Variants in MACROD2 observed in about 807,000 individuals in gnomAD.
The protein encoded by MACROD2 is mono-ADP ribosylhydrolase 2.
Under a neutral mutation model 70.4 loss-of-function variants are expected in MACROD2, and 36 were observed. The observed-to-expected ratio is 0.51, with a 90% CI of 0.39 to 0.68. MACROD2 has a LOEUF of 0.68. Ranked by LOEUF, MACROD2 falls within the 30% of genes least tolerant of loss-of-function variation. MACROD2 has a pLI of 0.00. For missense variants in MACROD2, 496 were observed against 538.4 expected (o/e 0.92, Z 0.78); for synonymous variants, 172 against 178.8 (o/e 0.96, Z 0.30).
chr20:15,800,308 T>A (rs866244626), intron 8 of MACROD2, among the ~76,000 whole-genome samples: 3 of 131,432 alleles, frequency 2.3e-5, no homozygotes, highest in Non-Finnish European at 4.5e-5. Flanking sequence ...ATTTGCCTAT[T>A]TTTTTGTTTT....
chr20:14,316,585 T>C (rs1350335290), intron 3 of MACROD2, among the ~76,000 whole-genome samples: 2 of 152,164 alleles, frequency 1.3e-5, no homozygotes, highest in African/African-American at 4.8e-5. Flanking sequence ...TATTTTTAGC[T>C]CATCAGCTAT....
At chr20:14,927,833 A>C (rs993143845) in intron 5 of MACROD2, among the ~76,000 whole-genome samples, 2 of 152,182 alleles carry the variant, frequency 1.3e-5, no homozygotes, top group Non-Finnish European at 2.9e-5. Context: ...TACTATATGT[A>C]AAAAACAACA....
intron 6 of MACROD2, among the ~76,000 whole-genome samples, chr20:15,263,154 T>C (rs761198662): frequency 2.6e-5 from 4 of 152,226 alleles, no homozygotes; most frequent in Non-Finnish European, 5.9e-5. Context: ...TGTTTTCTTT[T>C]AGTAGTTTCA....
intron 12 of MACROD2, among the ~76,000 whole-genome samples, chr20:15,942,212 G>A (rs896232538): frequency 6.6e-6 from 1 of 152,154 alleles, no homozygotes; most frequent in African/African-American, 2.4e-5. Flanking sequence ...AGAAGGAGAT[G>A]CAACTGACTG....
At chr20:15,579,447 TC>T (rs976007846) in intron 8 of MACROD2, among the ~76,000 whole-genome samples, 1 of 152,224 alleles carries the variant, frequency 6.6e-6, no homozygotes, top group African/African-American at 2.4e-5. Flanking sequence ...TTACTTGTTC[TC>T]CAGCAATCAC....
intron 8 of MACROD2, among the ~76,000 whole-genome samples, chr20:15,858,825 C>T (rs1297013368): frequency 6.6e-6 from 1 of 152,162 alleles, no homozygotes; most frequent in African/African-American, 2.4e-5. Flanking sequence ...TCATGGATTA[C>T]AAAGTTATAC....
In MACROD2 at chr20:14,292,876, C is replaced by A. The variant is rs191254691; in HGVS notation, c.272-200603C>A. 8.6e-4 allele frequency among the ~76,000 whole-genome samples: 130 copies of A among 151,978 alleles called. 2 individuals are homozygous for A. The highest frequency in any genetic ancestry group is 2.9e-3 in the African/African-American group (119 of 41,326). On this transcript the variant is annotated intron_variant, in intron 3 of 17. Coordinates refer to ENST00000684519, the MANE Select transcript of MACROD2 (RefSeq NM_001351661.2). ...TCTTGAACTCCTGACCTCAGGTGAT[C>A]CGCCTGCCTTGGCCTCCCAAAGTGC... is the stretch of plus-strand genomic sequence containing the variant.
intron 3 of MACROD2, among the ~76,000 whole-genome samples, chr20:14,210,596 G>A (rs934943641): frequency 2.0e-5 from 3 of 152,120 alleles, no homozygotes; most frequent in Non-Finnish European, 4.4e-5. Context: ...TTTTCCTGGT[G>A]GTTTTTGGTT....
intron 2 of MACROD2, among the ~76,000 whole-genome samples, chr20:14,019,631 G>C (rs1048363594): frequency 1.3e-5 from 2 of 152,040 alleles, no homozygotes; most frequent in Non-Finnish European, 2.9e-5. Context: ...GGGTGCTGCT[G>C]ATTGGTTCGG....
intron 5 of MACROD2, among the ~76,000 whole-genome samples, chr20:15,227,065 TC>T (rs1324219002): frequency 6.6e-6 from 1 of 152,194 alleles, no homozygotes; most frequent in East Asian, 1.9e-4. Flanking sequence ...TGAGAGGTCA[TC>T]ATGTTGGTCG....
At chr20:14,199,636 A>G (rs963581524) in intron 3 of MACROD2, among the ~76,000 whole-genome samples, 3 of 152,146 alleles carry the variant, frequency 2.0e-5, no homozygotes, top group Non-Finnish European at 2.9e-5. Context: ...ACTATGTACC[A>G]TGTTATAGTA....
intron 2 of MACROD2, among the ~76,000 whole-genome samples, chr20:14,034,754 T>C (rs2148634800): frequency 6.6e-6 from 1 of 152,332 alleles, no homozygotes; most frequent in African/African-American, 2.4e-5. Flanking sequence ...GTGGGTTGCA[T>C]ATTCATTTAA....
intron 5 of MACROD2, among the ~76,000 whole-genome samples, chr20:14,980,420 C>T (rs2074786539): frequency 6.6e-6 from 1 of 152,142 alleles, no homozygotes; most frequent in African/African-American, 2.4e-5. Context: ...GATGCAACCC[C>T]TCAACCTTCT....
intron 9 of MACROD2, among the ~76,000 whole-genome samples, chr20:15,884,273 C>T (rs1209279213): frequency 1.3e-5 from 2 of 152,012 alleles, no homozygotes; most frequent in South Asian, 2.1e-4. Flanking sequence ...CCTAAGCTTG[C>T]ACTTGAAGGA....
chr20:15,596,341 G>T (rs984347077), intron 8 of MACROD2, among the ~76,000 whole-genome samples: 4 of 152,110 alleles, frequency 2.6e-5, no homozygotes, highest in South Asian at 2.1e-4. Flanking sequence ...CTTTTATTTT[G>T]CAGACTCTAC....
rs551353198 is a variant in MACROD2, at chr20:16,007,321, G to A, written c.1153+20163G>A. Among the ~76,000 whole-genome samples, 6 of 152,198 alleles carry A rather than the reference G, an allele frequency of 3.9e-5. No homozygotes were observed. In the East Asian group the frequency reaches 7.7e-4, roughly 20 times the overall value. On this transcript the variant is annotated intron_variant, in intron 15 of 17. Transcript: ENST00000684519. The stretch of plus-strand genomic sequence containing the variant: ...AAGAAACTAGACTATCCCAGCCAAC[G>A]TGGCAGTTCTGAACCACAGAAACCA...
chr20:15,453,814 G>T (rs1262068727), intron 7 of MACROD2, among the ~76,000 whole-genome samples: 3 of 152,100 alleles, frequency 2.0e-5, no homozygotes, highest in African/African-American at 7.2e-5. Context: ...GCAAGTGTCT[G>T]GTCTGAAGAA....
In MACROD2 at chr20:15,840,918, A is replaced by G. The variant is rs527806853; in HGVS notation, c.646-21827A>G. Among the ~76,000 whole-genome samples the G allele has an allele frequency of 3.9e-5, 6 of 152,322 alleles. No individual in the cohort carries two copies. In the East Asian group the frequency reaches 1.2e-3, roughly 29 times the overall value. ...AGGGATTGTTTTTGTCCTTATGAAGAAAAATAAATATGTTTTTCAACAAGA... is the reference window on the plus strand; with the variant it reads ...AGGGATTGTTTTTGTCCTTATGAAGGAAAATAAATATGTTTTTCAACAAGA... On this transcript the variant is annotated intron_variant, in intron 8 of 17. Coordinates refer to ENST00000684519, the MANE Select transcript of MACROD2 (RefSeq NM_001351661.2).
intron 10 of MACROD2, among the ~76,000 whole-genome samples, chr20:15,899,027 T>C (rs528855437): frequency 2.0e-5 from 3 of 151,628 alleles, no homozygotes; most frequent in Non-Finnish European, 4.4e-5. Context: ...TGTATGTATG[T>C]ATATATATGT....
Sources: allele counts gnomAD v4.1 joint callset (sites outside exome capture counted in the v4.1 genomes callset), GRCh38; gene constraint gnomAD v4.1.1; transcripts MANE v1.5; gene names NCBI Gene and HGNC (gene_info 2026-07-23, HGNC 2026-07-21).